Variants in NEK1 observed in about 807,000 individuals in gnomAD.
NEK1 encodes the protein NIMA related kinase 1.
In NEK1, 137 loss-of-function variants were observed where a neutral mutation model predicts 182.1. The observed-to-expected ratio is 0.75, with a 90% CI of 0.65 to 0.87. NEK1 has a LOEUF of 0.87. Ranked by LOEUF, NEK1 falls within the 40% of genes least tolerant of loss-of-function variation. The pLI is 0.00. For missense variants in NEK1, 1,391 were observed against 1,494.4 expected, an observed-to-expected ratio of 0.93 and a Z score of 1.14; for synonymous variants, 513 against 492.2, an observed-to-expected ratio of 1.04 and a Z score of -0.56.
chr4:169,459,098 G>C (rs1314473653), intron 27 of NEK1, among the ~76,000 whole-genome samples: 2 of 149,830 alleles, frequency 1.3e-5, no homozygotes, highest in African/African-American at 4.9e-5. Context: ...TCAGATAAGA[G>C]ATACTCAATC....
Position 169,416,244 on chromosome 4 carries a change from C to A in NEK1, c.3222+8309G>T, listed in dbSNP as rs566370707. On this transcript the variant is annotated intron_variant, in intron 31 of 35. Coordinates refer to ENST00000507142, the MANE Select transcript of NEK1 (RefSeq NM_001199397.3). ...ATGTTCTCATGTCTTATCCACCATGCGAACTTTTTCAGAAATCTTTCTTTG... is the reference window on the plus strand; with the variant it reads ...ATGTTCTCATGTCTTATCCACCATGAGAACTTTTTCAGAAATCTTTCTTTG... Among the ~76,000 whole-genome samples, 5 of 152,280 alleles carry A rather than the reference C, an allele frequency of 3.3e-5. No homozygotes were observed. In the East Asian group the frequency reaches 5.8e-4, roughly 18 times the overall value.
At chr4:169,491,215 A>G (rs1461180129) in intron 23 of NEK1, among the ~76,000 whole-genome samples, 1 of 151,422 alleles carries the variant, frequency 6.6e-6, no homozygotes, top group Non-Finnish European at 1.5e-5. Flanking sequence ...CTTGCTGAAC[A>G]CTTCCCAAGT....
intron 27 of NEK1, among the ~76,000 whole-genome samples, chr4:169,462,518 T>A (rs983881891): frequency 1.3e-5 from 2 of 152,112 alleles, no homozygotes; most frequent in Non-Finnish European, 2.9e-5. Flanking sequence ...AATTCCATTA[T>A]TGAACATATC....
chr4:169,518,369 T>A (rs1755471103), intron 19 of NEK1, among the ~76,000 whole-genome samples: 1 of 131,230 alleles, frequency 7.6e-6, no homozygotes, highest in Non-Finnish European at 1.6e-5. Flanking sequence ...TATCATTTTT[T>A]ATTGTGTCTA....
intron 26 of NEK1, among the ~76,000 whole-genome samples, chr4:169,475,295 T>C (rs533517421): frequency 9.9e-5 from 15 of 152,124 alleles, no homozygotes; most frequent in South Asian, 2.1e-4. Flanking sequence ...AGACATGAAA[T>C]AGTGTCTATT....
At chr4:169,594,187 T>C (rs1166788161) in intron 5 of NEK1, among the ~76,000 whole-genome samples, 4 of 152,180 alleles carry the variant, frequency 2.6e-5, no homozygotes, top group Non-Finnish European at 5.9e-5. Flanking sequence ...TGAATTACAG[T>C]TGTATGTTAT....
intron 23 of NEK1, among the ~76,000 whole-genome samples, chr4:169,497,868 G>A (rs1298404707): frequency 6.6e-6 from 1 of 152,206 alleles, no homozygotes; most frequent in Non-Finnish European, 1.5e-5. Context: ...GTGCTGAAAA[G>A]AATGTATATT....
At chr4:169,437,727 T>G (rs1416177798) in intron 28 of NEK1, among the ~76,000 whole-genome samples, 1 of 152,174 alleles carries the variant, frequency 6.6e-6, no homozygotes, top group Non-Finnish European at 1.5e-5. Context: ...CTTGCCAAGA[T>G]AGCAGTGAAG....
chr4:169,458,075 A>G (rs965709741), intron 27 of NEK1, among the ~76,000 whole-genome samples: 2 of 152,234 alleles, frequency 1.3e-5, no homozygotes, highest in African/African-American at 4.8e-5. Flanking sequence ...TTATATGGAT[A>G]TACAAAAGAC....
At chr4:169,404,540 CAAAGGT>C (rs968054060) in intron 32 of NEK1, among the ~76,000 whole-genome samples, 10 of 151,954 alleles carry the variant, frequency 6.6e-5, no homozygotes, top group Admixed American at 2.0e-4. Flanking sequence ...AAGTTCTTTC[CAAAGGT>C]AAAAGTAAAA....
intron 32 of NEK1, among the ~76,000 whole-genome samples, chr4:169,404,835 G>T (rs1037764886): frequency 1.3e-5 from 2 of 151,748 alleles, no homozygotes; most frequent in Non-Finnish European, 2.9e-5. Flanking sequence ...CAATCTAAGG[G>T]GTTATCACTC....
chr4:169,396,365 C>CAAAAAAAAAAAAAAAA, intron 35 of NEK1, among the ~76,000 whole-genome samples: 12 of 38,052 alleles, frequency 3.2e-4, no homozygotes, highest in African/African-American at 3.9e-4. Context: ...GACTCCATCT[C>CAAAAAAAAAAAAAAAA]AAAAAAAAAA....
intron 26 of NEK1, among the ~76,000 whole-genome samples, chr4:169,474,864 T>C (rs1267905545): frequency 6.6e-6 from 1 of 152,218 alleles, no homozygotes; most frequent in Non-Finnish European, 1.5e-5. Context: ...ATTAGTGCAA[T>C]AGCCTCTAAA....
At chr4:169,576,244 C>T (rs571627373) in intron 12 of NEK1, among the ~76,000 whole-genome samples, 138 of 152,234 alleles carry the variant, frequency 9.1e-4, no homozygotes, top group Non-Finnish European at 1.7e-3. Flanking sequence ...GGATTACAGG[C>T]GTGAACCACC....
chr4:169,446,559 T>G (rs537630488), intron 27 of NEK1, among the ~76,000 whole-genome samples: 1 of 151,908 alleles, frequency 6.6e-6, no homozygotes, highest in African/African-American at 2.4e-5. Context: ...ACCAAATAAC[T>G]AAATAAGGTA....
At chr4:169,511,943 T>A (rs1434629839) in intron 19 of NEK1, among the ~76,000 whole-genome samples, 2 of 152,192 alleles carry the variant, frequency 1.3e-5, no homozygotes, top group Non-Finnish European at 2.9e-5. Flanking sequence ...AATAGTTCAT[T>A]CCTTTTCATT....
chr4:169,599,002 G>C (rs1279975915), intron 5 of NEK1, 98 bp downstream of exon 5: 13 of 829,416 alleles, frequency 1.6e-5, no homozygotes, highest in Non-Finnish European at 2.5e-5. Context: ...TAGTAATTTT[G>C]ATTAGCATTT....
At chr4:169,551,797 G>GA (rs534950359) in intron 18 of NEK1, among the ~76,000 whole-genome samples, 110 of 144,304 alleles carry the variant, frequency 7.6e-4, no homozygotes, top group African/African-American at 2.2e-3. Flanking sequence ...AGTAAAACAA[G>GA]AAAAAAAAAA....
intron 5 of NEK1, among the ~76,000 whole-genome samples, chr4:169,591,533 G>C (rs1031146446): frequency 2.6e-5 from 4 of 151,960 alleles, no homozygotes; most frequent in Non-Finnish European, 4.4e-5. Flanking sequence ...TGGAAATTTG[G>C]AAGACATCTC....
Sources: gnomAD v4.1 joint callset for allele counts (sites outside exome capture counted in the v4.1 genomes callset) on GRCh38, gnomAD v4.1.1 for gene constraint, MANE v1.5 for transcripts, NCBI Gene and HGNC (gene_info 2026-07-23, HGNC 2026-07-21) for gene names.